ARID5B: variants seen among roughly 807,000 people sequenced by gnomAD.
ARID5B encodes the protein AT-rich interactive domain-containing protein 5B.
In ARID5B, 13 loss-of-function variants were observed where a neutral mutation model predicts 97.2. The ratio of observed to expected loss-of-function variants is 0.13; its 90% CI spans 0.09 to 0.21. The LOEUF is 0.21. Among genes scored for constraint, ARID5B ranks in the 10% least tolerant of loss-of-function variants. The probability of loss-of-function intolerance (pLI) is 1.00; values close to 1 mark genes in which losing one functional copy is unlikely to be tolerated. For synonymous variants in ARID5B, 556 were observed against 570.3 expected (o/e 0.97, Z 0.36); for missense variants, 1,210 against 1,465.3 (o/e 0.83, Z 2.84).
At chr10:61,937,457 T>G (rs2132791981) in intron 2 of ARID5B, among the ~76,000 whole-genome samples, 1 of 152,248 alleles carries the variant, frequency 6.6e-6, no homozygotes, top group African/African-American at 2.4e-5. Context: ...AAATCCAAAT[T>G]ACAGAAATAG....
intron 3 of ARID5B, among the ~76,000 whole-genome samples, chr10:61,969,574 T>C (rs1171690307): frequency 1.3e-5 from 2 of 151,954 alleles, no homozygotes; most frequent in Non-Finnish European, 2.9e-5. Flanking sequence ...CTGAGTTGAG[T>C]TTACCAAATC....
chr10:61,967,374 C>A (rs1372539322), intron 3 of ARID5B, among the ~76,000 whole-genome samples: 1 of 152,162 alleles, frequency 6.6e-6, no homozygotes, highest in Non-Finnish European at 1.5e-5. Context: ...GCTCTTAGTT[C>A]AAAGTAAATT....
At chr10:62,055,610 C>T (rs1422100070) in intron 5 of ARID5B, among the ~76,000 whole-genome samples, 2 of 152,124 alleles carry the variant, frequency 1.3e-5, no homozygotes, top group Non-Finnish European at 2.9e-5. Flanking sequence ...ACGGGATGTT[C>T]GCCTTCATAT....
chr10:62,092,175 G>A lies in ARID5B; in HGVS notation c.2712G>A (p.Gln904=). Residue 904 remains glutamine (Q), a synonymous_variant, in exon 10 of 10, where the codon CAG becomes CAA. Coordinates refer to ENST00000279873, the MANE Select transcript of ARID5B (RefSeq NM_032199.3). The part of the protein sequence containing the change: ...SAAAEAPTDD[Q]PTDLSLPKNP... The stretch of plus-strand genomic sequence containing the variant: ...CAGCAGAAGCCCCTACGGATGATCA[G>A]CCTACAGATCTGAGCCTTCCCAAGA... 1 of 1,609,514 alleles carries A rather than the reference G, an allele frequency of 6.2e-7. No homozygotes were observed. The highest frequency in any genetic ancestry group is 8.5e-7 in the Non-Finnish European group (1 of 1,178,190).
chr10:61,986,400 A>G (rs1838847750), intron 3 of ARID5B, among the ~76,000 whole-genome samples: 1 of 152,208 alleles, frequency 6.6e-6, no homozygotes, highest in Non-Finnish European at 1.5e-5. Context: ...GTAATTATAC[A>G]GTGTTAAGCT....
rs921817775 is a variant in ARID5B, at chr10:62,014,173, C to T, written c.733+13852C>T. ...ATTCTATTTTTAATTTTTTGAGGAA[C>T]TTCCATACTGTTTCCCATAATGGCT... is the stretch of plus-strand genomic sequence containing the variant. On this transcript the variant is annotated intron_variant, in intron 4 of 9. Transcript: ENST00000279873. 6.6e-5 allele frequency among the ~76,000 whole-genome samples: 10 copies of T among 152,264 alleles called. No individual in the cohort carries two copies. In the South Asian group the frequency reaches 2.1e-3, roughly 32 times the overall value.
At chr10:61,970,889 C>T (rs2132833459) in intron 3 of ARID5B, among the ~76,000 whole-genome samples, 1 of 152,114 alleles carries the variant, frequency 6.6e-6, no homozygotes, top group Middle Eastern at 3.4e-3. Context: ...CAATGGATTC[C>T]TCAACAAAAG....
intron 4 of ARID5B, among the ~76,000 whole-genome samples, chr10:62,029,358 CA>C (rs1839465250): frequency 6.6e-6 from 1 of 152,124 alleles, no homozygotes; most frequent in Admixed American, 6.5e-5. Flanking sequence ...TCTCTGATAA[CA>C]ACTTATTTTT....
chr10:62,031,248 A>AATCTG (rs1839494362), intron 4 of ARID5B, among the ~76,000 whole-genome samples: 1 of 152,144 alleles, frequency 6.6e-6, no homozygotes, highest in Non-Finnish European at 1.5e-5. Context: ...AAAGAGAGTA[A>AATCTG]ATCTGATCTG....
chr10:62,086,020 A>G, intron 9 of ARID5B, 120 bp downstream of exon 9: 1 of 1,045,008 alleles, frequency 9.6e-7, no homozygotes, highest in Non-Finnish European at 1.4e-6. Context: ...GAAGAAACCA[A>G]GAAATCTAAG....
At chr10:61,996,041 T>C (rs1838991013) in intron 3 of ARID5B, among the ~76,000 whole-genome samples, 1 of 152,148 alleles carries the variant, frequency 6.6e-6, no homozygotes, top group Non-Finnish European at 1.5e-5. Context: ...TGTAGCCTCT[T>C]AGTGTGTGGA....
intron 2 of ARID5B, among the ~76,000 whole-genome samples, chr10:61,902,909 A>C (rs1342897785): frequency 6.6e-6 from 1 of 152,128 alleles, no homozygotes; most frequent in African/African-American, 2.4e-5. Context: ...ATGGAGGCAG[A>C]ATGAGATCAA....
chr10:61,908,152 G>A (rs1843735993), intron 2 of ARID5B, among the ~76,000 whole-genome samples: 1 of 152,134 alleles, frequency 6.6e-6, no homozygotes, highest in Non-Finnish European at 1.5e-5. Flanking sequence ...TATTTTGTAT[G>A]GTTAAGAGCG....
chr10:62,091,213 G>A lies in ARID5B; in HGVS notation c.1750G>A (p.Glu584Lys). 1 of 1,614,168 alleles carries A rather than the reference G, an allele frequency of 6.2e-7. No homozygotes were observed. The highest frequency in any genetic ancestry group is 1.1e-5 in the South Asian group (1 of 91,078). The change falls in exon 10 of 10, where the codon GAG (glutamate) becomes AAG (lysine). Residue 584 changes from glutamate (E) to lysine (K), a missense_variant. By Grantham distance (56) the Glu-to-Lys change is moderately conservative (BLOSUM62 1). Around this residue, in one of 8 missense-constraint regions of ARID5B, gnomAD observed 800 missense variants for 839.1 expected, o/e 0.95. Coordinates refer to ENST00000279873, the MANE Select transcript of ARID5B (RefSeq NM_032199.3). ...AGAATCCAAACTGTGCTGTTTTACA[G>A]AGAGCCCTGAAAGTGAACCCCAAGA... ...KQESKLCCFT[E>K]SPESEPQEAS...
intron 4 of ARID5B, among the ~76,000 whole-genome samples, 176 bp from the exon 5 acceptor site, chr10:62,050,712 T>A (rs1379772201): frequency 1.3e-5 from 2 of 152,196 alleles, no homozygotes; most frequent in Non-Finnish European, 2.9e-5. Context: ...AAATGTATAC[T>A]CTACCAATAT....
chr10:62,006,788 G>A (rs548293514), intron 4 of ARID5B, among the ~76,000 whole-genome samples: 1 of 152,258 alleles, frequency 6.6e-6, no homozygotes, highest in East Asian at 1.9e-4. Context: ...ATAATATATG[G>A]AATGGCTAAG....
At chr10:62,041,005 A>G (rs1028575916) in intron 4 of ARID5B, among the ~76,000 whole-genome samples, 6 of 152,180 alleles carry the variant, frequency 3.9e-5, no homozygotes, top group African/African-American at 1.4e-4. Flanking sequence ...CTGTTTCTCT[A>G]TAGTGTAACA....
intron 3 of ARID5B, among the ~76,000 whole-genome samples, chr10:61,947,783 A>G (rs1184867749): frequency 2.6e-5 from 4 of 152,210 alleles, no homozygotes; most frequent in South Asian, 2.1e-4. Flanking sequence ...TATTCCTGCT[A>G]GAAAAGAGGT....
intron 4 of ARID5B, among the ~76,000 whole-genome samples, chr10:62,033,344 A>T (rs986798307): frequency 1.3e-5 from 2 of 152,058 alleles, no homozygotes; most frequent in Non-Finnish European, 2.9e-5. Flanking sequence ...CTTTGTGGTA[A>T]TTTCCTTTCT....
Sources: gnomAD v4.1 joint callset for allele counts (sites outside exome capture counted in the v4.1 genomes callset) on GRCh38, gnomAD v4.1.1 for gene constraint, gnomAD v4.1.1 regional missense constraint, MANE v1.5 for transcripts, NCBI Gene and HGNC (gene_info 2026-07-23, HGNC 2026-07-21) for gene names.